RAPGEF1: variants seen among roughly 807,000 people sequenced by gnomAD.
The protein encoded by RAPGEF1 is CRK SH3-binding GNRP.
A neutral mutation model predicts 143.3 loss-of-function variants in RAPGEF1; 33 were observed. The ratio of observed to expected loss-of-function variants is 0.23; its 90% confidence interval spans 0.17 to 0.31. The LOEUF (loss-of-function observed/expected upper bound fraction) is 0.31. RAPGEF1 is among the 10% of genes least tolerant of loss of function. RAPGEF1 has a pLI of 1.00. For synonymous variants in RAPGEF1, 629 were observed against 676.5 expected, an observed-to-expected ratio of 0.93 and a Z score of 1.09; for missense variants, 1,199 against 1,645.4, an observed-to-expected ratio of 0.73 and a Z score of 4.69.
rs1588964383 is a variant in RAPGEF1 at position 131,675,350 on chromosome 9, G to A, written c.62-24401C>T. Among the ~76,000 whole-genome samples, 1 of 152,338 alleles carries A rather than the reference G, an allele frequency of 6.6e-6. No homozygotes were observed. The highest frequency in any genetic ancestry group is 1.9e-4 in the East Asian group (1 of 5,172). Reference sequence around the variant, plus strand: ...AGGGGCTGGGCGAGGCTGTGGAGGAGGGCTCTGCGGGAGCAGGGAGCCCGG... The same window carrying A: ...AGGGGCTGGGCGAGGCTGTGGAGGAAGGCTCTGCGGGAGCAGGGAGCCCGG... On this transcript the variant is annotated intron_variant, in intron 1 of 26. Coordinates refer to ENST00000683357, the MANE Select transcript of RAPGEF1 (RefSeq NM_001377935.1). This position sits in a 1 kb window ranked among gnomAD's most constrained non-coding sequence, Gnocchi z 4.6.
intron 15 of RAPGEF1, among the ~76,000 whole-genome samples, chr9:131,599,888 C>A (rs1416283010): frequency 2.6e-5 from 4 of 152,206 alleles, no homozygotes; most frequent in Middle Eastern, 3.4e-3. Context: ...GAGGCCGAGG[C>A]GGGTGGATCA....
chr9:131,700,106 C>T (rs1201304089), intron 1 of RAPGEF1, among the ~76,000 whole-genome samples: 3 of 152,134 alleles, frequency 2.0e-5, no homozygotes, highest in Non-Finnish European at 4.4e-5. Context: ...CCACTGGGGT[C>T]GTCCTAGACT....
At position 131,712,382 on chromosome 9, in the gene RAPGEF1, C is replaced by T. The variant is rs1043254004; in HGVS notation, c.61+27388G>A. Among the ~76,000 whole-genome samples the T allele has an allele frequency of 3.3e-5, 5 of 152,184 alleles. No homozygotes were observed. The East Asian group carries it at 9.6e-4, about 29-fold the overall frequency. On this transcript the variant is annotated intron_variant, in intron 1 of 26. Transcript: ENST00000683357. ...CCCAACATACACACACTGATTGTCC[C>T]CACCCCCTGGAATGCATTAACCAGA...
At chr9:131,669,257 C>T (rs530728032) in intron 1 of RAPGEF1, among the ~76,000 whole-genome samples, 3 of 152,326 alleles carry the variant, frequency 2.0e-5, no homozygotes, top group African/African-American at 7.2e-5. Flanking sequence ...AGTAAGCATA[C>T]ATTCATGTAT....
chr9:131,597,211 T>C (rs1347881550), intron 16 of RAPGEF1, among the ~76,000 whole-genome samples: 1 of 152,232 alleles, frequency 6.6e-6, no homozygotes, highest in African/African-American at 2.4e-5. Flanking sequence ...CCCACCTTTT[T>C]ATTTTTAGGC....
intron 1 of RAPGEF1, among the ~76,000 whole-genome samples, chr9:131,723,598 T>C (rs1191293282): frequency 1.3e-5 from 2 of 152,246 alleles, no homozygotes; most frequent in Admixed American, 6.5e-5. Context: ...CACTGGAACA[T>C]GTCAGAATGT....
intron 3 of RAPGEF1, among the ~76,000 whole-genome samples, chr9:131,646,608 G>A (rs762534435): frequency 5.9e-5 from 9 of 152,122 alleles, no homozygotes; most frequent in Non-Finnish European, 1.3e-4. Flanking sequence ...TGCCGCAGCC[G>A]GGACACCCGA....
chr9:131,676,373 T>C (rs1832357624), intron 1 of RAPGEF1, among the ~76,000 whole-genome samples: 4 of 152,212 alleles, frequency 2.6e-5, no homozygotes, highest in Admixed American at 6.5e-5. Context: ...TGTGGGGGAC[T>C]GAGTCCCCTT....
intron 4 of RAPGEF1, among the ~76,000 whole-genome samples, chr9:131,640,450 C>T (rs377410569): frequency 2.0e-5 from 3 of 152,216 alleles, no homozygotes; most frequent in East Asian, 1.9e-4. Context: ...CCAGCCTTCC[C>T]GTCATTAGCT....
chr9:131,663,019 G>A (rs12683131), intron 1 of RAPGEF1, among the ~76,000 whole-genome samples: 31,702 of 151,784 alleles, frequency 0.21, 4,023 homozygotes, highest in Non-Finnish European at 0.29. Flanking sequence ...TGTGCTGAAA[G>A]AATATTATGA....
At chr9:131,721,463 G>A (rs1836259824) in intron 1 of RAPGEF1, among the ~76,000 whole-genome samples, 2 of 152,196 alleles carry the variant, frequency 1.3e-5, no homozygotes, top group Admixed American at 6.5e-5. Flanking sequence ...TCAGTCTAAG[G>A]CGAAGTCTCG....
chr9:131,628,514 C>A lies in RAPGEF1; in HGVS notation c.1017+35G>T. The A allele has an allele frequency of 6.2e-7, 1 of 1,602,904 alleles. No individual in the cohort carries two copies. The highest frequency in any genetic ancestry group is 2.2e-5 in the East Asian group (1 of 44,482). Reference sequence around the variant, plus strand: ...CATCCCTGAGCCCCCCACCCCCTCCCTGCCTTCCCATGCAGGGAACAGGGG... The same window carrying A: ...CATCCCTGAGCCCCCCACCCCCTCCATGCCTTCCCATGCAGGGAACAGGGG... On this transcript the variant is annotated intron_variant, in intron 8 of 26. Coordinates refer to ENST00000683357, the MANE Select transcript of RAPGEF1 (RefSeq NM_001377935.1). The surrounding 1 kb of genome is among the most constrained non-coding windows in gnomAD (Gnocchi z 5.7).
chr9:131,604,745 T>C (rs1956822933), intron 13 of RAPGEF1, among the ~76,000 whole-genome samples, 186 bp downstream of exon 13: 1 of 152,194 alleles, frequency 6.6e-6, no homozygotes, highest in Non-Finnish European at 1.5e-5. Context: ...CCATTGCACC[T>C]TGTGACCCTC....
At position 131,650,985 on chromosome 9, in the gene RAPGEF1, G is replaced by C. The variant is rs894693858; in HGVS notation, c.62-36C>G. 1.9e-6 allele frequency: 3 copies of C among 1,602,840 alleles called. No homozygotes were observed. Among genetic ancestry groups the C allele is most frequent in the Non-Finnish European group, 2.6e-6 (3 of 1,173,536 alleles). On this transcript the variant is annotated intron_variant, in intron 1 of 26. Transcript: ENST00000683357. This position sits in a 1 kb window ranked among gnomAD's most constrained non-coding sequence, Gnocchi z 4.7. ...AGAGGGTACTGACTGTTAGATGGGAGTGGGAAGAAGCGATGGTTCATTGAC... is the reference window on the plus strand; with the variant it reads ...AGAGGGTACTGACTGTTAGATGGGACTGGGAAGAAGCGATGGTTCATTGAC...
intron 1 of RAPGEF1, among the ~76,000 whole-genome samples, chr9:131,670,600 C>T (rs986546404): frequency 2.0e-5 from 3 of 152,168 alleles, no homozygotes; most frequent in African/African-American, 7.2e-5. Flanking sequence ...TCATAGCAGA[C>T]GCACATCAAA....
At chr9:131,689,812 A>T (rs141501883) in intron 1 of RAPGEF1, among the ~76,000 whole-genome samples, 2,274 of 152,380 alleles carry the variant, frequency 0.015, 26 homozygotes, top group Non-Finnish European at 0.026. Flanking sequence ...TGCTAGGATT[A>T]CAGGCGCGAG....
At chr9:131,615,158 C>T (rs541573733) in intron 12 of RAPGEF1, among the ~76,000 whole-genome samples, 41 of 152,222 alleles carry the variant, frequency 2.7e-4, no homozygotes, top group African/African-American at 7.7e-4. Context: ...CCGCAAGCTC[C>T]GCCTCCTGGG....
chr9:131,709,862 C>T (rs1835381832), intron 1 of RAPGEF1: 3 of 1,423,220 alleles, frequency 2.1e-6, no homozygotes, highest in Admixed American at 3.0e-5. Flanking sequence ...TCTTTGCCTT[C>T]TGCCTTTCAA....
At chr9:131,681,101 A>G (rs1011096250) in intron 1 of RAPGEF1, among the ~76,000 whole-genome samples, 1 of 152,176 alleles carries the variant, frequency 6.6e-6, no homozygotes, top group Non-Finnish European at 1.5e-5. Flanking sequence ...ATGAGGAGGA[A>G]GGAGAGTATA....
Sources: gnomAD v4.1 joint callset for allele counts (sites outside exome capture counted in the v4.1 genomes callset) on GRCh38, gnomAD v4.1.1 for gene constraint, Gnocchi (gnomAD v3.1) non-coding constraint, MANE v1.5 for transcripts, NCBI Gene and HGNC (gene_info 2026-07-23, HGNC 2026-07-21) for gene names.